The following COL24A1 variants were observed in gnomAD, a reference collection of about 807,000 sequenced individuals.
COL24A1 encodes the protein collagen type XXIV alpha 1 chain, also known as collagen alpha-1(XXIV) chain.
COL24A1 carries 224 observed loss-of-function variants against 253.9 expected under a neutral mutation model. The ratio of observed to expected loss-of-function variants is 0.88; its 90% CI spans 0.79 to 0.99. The LOEUF is 0.99. Among genes scored for constraint, COL24A1 ranks in the 50% least tolerant of loss-of-function variants. COL24A1 has a pLI of 0.00. For missense variants in COL24A1, 2,131 were observed against 2,068.5 expected (o/e 1.03, Z -0.59); for synonymous variants, 685 against 673.7 (o/e 1.02, Z -0.26).
intron 53 of COL24A1, among the ~76,000 whole-genome samples, chr1:85,763,740 C>T (rs968804862): frequency 6.6e-6 from 1 of 151,982 alleles, no homozygotes; most frequent in Non-Finnish European, 1.5e-5. Flanking sequence ...AGTGATCCAC[C>T]TGCGTTGGCC....
At chr1:85,816,446 G>A (rs1673046760) in intron 47 of COL24A1, among the ~76,000 whole-genome samples, 1 of 152,168 alleles carries the variant, frequency 6.6e-6, no homozygotes, top group Non-Finnish European at 1.5e-5. Flanking sequence ...AGACCTAAAT[G>A]TTCCAAAGGT....
intron 59 of COL24A1, among the ~76,000 whole-genome samples, chr1:85,732,244 T>C (rs1037971151): frequency 1.5e-4 from 22 of 151,072 alleles, no homozygotes; most frequent in Admixed American, 2.6e-4. Flanking sequence ...CTTTTTTTTT[T>C]TTTTGAGACG....
At chr1:85,934,043 T>C (rs996605893) in intron 24 of COL24A1, among the ~76,000 whole-genome samples, 10 of 152,184 alleles carry the variant, frequency 6.6e-5, no homozygotes, top group African/African-American at 2.4e-4. Context: ...AGATTTGGCA[T>C]TGGCTGCAGT....
chr1:85,968,028 G>A (rs1691742873), intron 22 of COL24A1, among the ~76,000 whole-genome samples: 1 of 152,152 alleles, frequency 6.6e-6, no homozygotes, highest in African/African-American at 2.4e-5. Context: ...CATGTGAAAA[G>A]GAGAGACTGC....
At chr1:85,755,949 A>T (rs1666203570) in intron 55 of COL24A1, among the ~76,000 whole-genome samples, 1 of 150,936 alleles carries the variant, frequency 6.6e-6, no homozygotes, top group Non-Finnish European at 1.5e-5. Flanking sequence ...CACTATAAAG[A>T]GAGTGAAAAG....
intron 31 of COL24A1, among the ~76,000 whole-genome samples, chr1:85,894,673 T>C (rs1571119182): frequency 6.6e-6 from 1 of 152,276 alleles, no homozygotes; most frequent in Non-Finnish European, 1.5e-5. Context: ...ATCAATATAA[T>C]AGAAACTCAG....
intron 47 of COL24A1, among the ~76,000 whole-genome samples, chr1:85,806,608 T>C (rs1192324883): frequency 6.6e-6 from 1 of 152,248 alleles, no homozygotes; most frequent in Non-Finnish European, 1.5e-5. Flanking sequence ...ATTTCTACTT[T>C]CTACCACTAA....
In COL24A1 at chr1:85,730,398, G is replaced by A. The variant is rs897753995; in HGVS notation, c.*148C>T. The A allele has an allele frequency of 8.2e-6, 6 of 736,186 alleles. No individual in the cohort carries two copies. The highest frequency in any genetic ancestry group is 1.2e-5 in the Non-Finnish European group (6 of 480,918). 45.6% of individuals were successfully genotyped at this position (736,186 alleles called of 1,614,324 possible). On this transcript the variant is annotated 3_prime_UTR_variant, in exon 60 of 60. Coordinates refer to ENST00000370571, the MANE Select transcript of COL24A1 (RefSeq NM_152890.7). ...TTAAAAATGCCTTTTCTCCTTCTTA[G>A]GAGGAAGTCTGTTCTTCCTGAGATT... is the stretch of plus-strand genomic sequence containing the variant.
At chr1:85,951,746 A>T (rs1353155015) in intron 24 of COL24A1, among the ~76,000 whole-genome samples, 2 of 152,194 alleles carry the variant, frequency 1.3e-5, no homozygotes, top group Non-Finnish European at 2.9e-5. Flanking sequence ...AGTGACAGCA[A>T]ATTGATTTTA....
At chr1:86,152,961 T>C (rs890881891) in intron 1 of COL24A1, among the ~76,000 whole-genome samples, 11 of 152,152 alleles carry the variant, frequency 7.2e-5, no homozygotes. Flanking sequence ...TTGTTAAACA[T>C]GGTTTAAAGG....
chr1:85,919,777 G>C (rs1156836311), intron 24 of COL24A1, among the ~76,000 whole-genome samples: 1 of 152,138 alleles, frequency 6.6e-6, no homozygotes, highest in African/African-American at 2.4e-5. Flanking sequence ...ACCTTCACCA[G>C]ACAATTAACA....
intron 7 of COL24A1, among the ~76,000 whole-genome samples, chr1:86,068,700 A>G (rs1248074984): frequency 1.3e-5 from 2 of 152,088 alleles, no homozygotes; most frequent in African/African-American, 2.4e-5. Context: ...AGCTCATAAC[A>G]AGGAAAGTGA....
At chr1:86,009,056 G>T (rs1045262918) in intron 19 of COL24A1, among the ~76,000 whole-genome samples, 6 of 152,152 alleles carry the variant, frequency 3.9e-5, no homozygotes, top group African/African-American at 7.2e-5. Flanking sequence ...ATTTATAAGT[G>T]TAAGTTGAAG....
Position 85,987,482 on chromosome 1 carries a change from G to GT in COL24A1, c.2364+118_2364+119insA, listed in dbSNP as rs1693822804. ...CCTAAAGTTTATTAAATGTACCTGAGACAGCTTAAAAATATCCAGAAATGT... is the reference window on the plus strand; with the variant it reads ...CCTAAAGTTTATTAAATGTACCTGAGTACAGCTTAAAAATATCCAGAAATGT... On this transcript the variant is annotated intron_variant, in intron 20 of 59. Transcript: ENST00000370571. 50 of 897,902 alleles carry GT rather than the reference G, an allele frequency of 5.6e-5. 1 individual carries two copies. In the South Asian group the frequency reaches 7.6e-4, roughly 14 times the overall value. 55.6% of individuals were successfully genotyped at this position (897,902 alleles called of 1,614,324 possible).
intron 47 of COL24A1, among the ~76,000 whole-genome samples, chr1:85,789,061 T>C (rs1023858001): frequency 6.6e-6 from 1 of 152,238 alleles, no homozygotes; most frequent in Non-Finnish European, 1.5e-5. Context: ...TTTTGCTTCA[T>C]ATGAATTTTA....
intron 3 of COL24A1, among the ~76,000 whole-genome samples, chr1:86,123,220 C>T (rs1040586080): frequency 6.6e-6 from 1 of 151,918 alleles, no homozygotes; most frequent in African/African-American, 2.4e-5. Flanking sequence ...ACCTACTCCT[C>T]TCACCTGTCA....
At chr1:85,836,993 G>A (rs1286682134) in intron 43 of COL24A1, among the ~76,000 whole-genome samples, 2 of 152,182 alleles carry the variant, frequency 1.3e-5, no homozygotes, top group Non-Finnish European at 2.9e-5. Flanking sequence ...TGAATGTTCT[G>A]TAGCTGGTAG....
At chr1:86,102,001 C>T (rs1312062255) in intron 5 of COL24A1, among the ~76,000 whole-genome samples, 2 of 151,488 alleles carry the variant, frequency 1.3e-5, no homozygotes, top group African/African-American at 4.9e-5. Flanking sequence ...TACTACGAAT[C>T]TATCTGGTCC....
intron 24 of COL24A1, among the ~76,000 whole-genome samples, chr1:85,941,042 A>T (rs1688713693): frequency 6.6e-6 from 1 of 152,214 alleles, no homozygotes; most frequent in Non-Finnish European, 1.5e-5. Context: ...TTTCAAAAAA[A>T]GTAACTTGGA....
Sources: allele counts gnomAD v4.1 joint callset (sites outside exome capture counted in the v4.1 genomes callset), GRCh38; gene constraint gnomAD v4.1.1; transcripts MANE v1.5; gene names NCBI Gene and HGNC (gene_info 2026-07-23, HGNC 2026-07-21).